ATRX: variants seen among roughly 807,000 people sequenced by gnomAD.
The protein encoded by ATRX is ATRX chromatin remodeler.
A neutral mutation model predicts 172.6 loss-of-function variants in ATRX; 12 were observed. The observed-to-expected ratio is 0.07, with a 90% CI of 0.04 to 0.11. The LOEUF (loss-of-function observed/expected upper bound fraction) is 0.11, where lower values mean the gene tolerates loss of function less well. Ranked by LOEUF, ATRX falls within the 10% of genes least tolerant of loss-of-function variation. The pLI is 1.00. For missense variants in ATRX, 1,368 were observed against 1,767.4 expected, an observed-to-expected ratio of 0.77 and a Z score of 4.05; for synonymous variants, 674 against 594.7, an observed-to-expected ratio of 1.13 and a Z score of -1.94.
chrX:77,688,697 T>G (rs931867729), intron 7 of ATRX, 121 bp downstream of exon 7: 2 of 565,791 alleles, frequency 3.5e-6, no homozygotes, highest in African/African-American at 2.2e-5. Context: ...CCCACTATAG[T>G]AGAAGTCTTC....
chrX:77,594,985 G>A lies in ATRX; in HGVS notation c.5957-1136C>T, dbSNP rs782193001. 3.6e-5 allele frequency: 4 copies of A among 111,647 alleles called. No individual in the cohort carries two copies. The South Asian group carries it at 1.5e-3, about 42-fold the overall frequency. 9.2% of individuals were successfully genotyped at this position (111,647 alleles called of 1,213,427 possible). On this transcript the variant is annotated intron_variant, in intron 25 of 34. Coordinates refer to ENST00000373344, the MANE Select transcript of ATRX (RefSeq NM_000489.6). Reference sequence around the variant, plus strand: ...AGTTCTCCTCATAGACATCTAGATTGTTTCTTGTTTTTGGCTAATATGAAA... The same window carrying A: ...AGTTCTCCTCATAGACATCTAGATTATTTCTTGTTTTTGGCTAATATGAAA...
chrX:77,706,156 T>C (rs201241395), intron 2 of ATRX, among the ~76,000 whole-genome samples: 1 of 107,248 alleles, frequency 9.3e-6, no homozygotes, highest in African/African-American at 3.4e-5. Context: ...CTGGCTTTTT[T>C]TTTTTTTAAT....
intron 1 of ATRX, among the ~76,000 whole-genome samples, chrX:77,769,517 A>C (rs2076088865): frequency 1.8e-5 from 2 of 110,650 alleles, no homozygotes; most frequent in Admixed American, 1.9e-4. Flanking sequence ...TTGAAATCTG[A>C]CCTCATGATA....
intron 22 of ATRX, among the ~76,000 whole-genome samples, chrX:77,603,628 G>A (rs1324823910): frequency 7.4e-5 from 8 of 108,403 alleles, no homozygotes; most frequent in African/African-American, 2.4e-4. Context: ...CGCCTGCCTC[G>A]GCCTCCCAAA....
At chrX:77,646,543 G>A (rs181845642) in intron 15 of ATRX, among the ~76,000 whole-genome samples, 2 of 111,690 alleles carry the variant, frequency 1.8e-5, no homozygotes, top group African/African-American at 6.5e-5. Flanking sequence ...AGAAACAGTT[G>A]GAGACATAAA....
intron 1 of ATRX, among the ~76,000 whole-genome samples, chrX:77,763,943 G>A (rs781897363): frequency 9.1e-6 from 1 of 109,664 alleles, no homozygotes; most frequent in East Asian, 3.0e-4. Flanking sequence ...GTGAAACCCC[G>A]TCTCAACAAA....
intron 19 of ATRX, among the ~76,000 whole-genome samples, chrX:77,625,634 CAT>C (rs1308921060): frequency 8.9e-6 from 1 of 111,975 alleles, no homozygotes; most frequent in Non-Finnish European, 1.9e-5. Context: ...AGCCAACAAA[CAT>C]ATGAAAAAAT....
At chrX:77,679,889 CT>C in intron 9 of ATRX, among the ~76,000 whole-genome samples, 1 of 111,610 alleles carries the variant, frequency 9.0e-6, no homozygotes, top group East Asian at 2.8e-4. Context: ...CACAGCTAAC[CT>C]AACAACTAAA....
chrX:77,605,435 A>G (rs782793702), intron 22 of ATRX, among the ~76,000 whole-genome samples: 1 of 111,281 alleles, frequency 9.0e-6, no homozygotes, highest in East Asian at 2.8e-4. Flanking sequence ...CTCAAATAAA[A>G]CAAAACAAAA....
chrX:77,715,920 T>C (rs2073353518), intron 2 of ATRX, among the ~76,000 whole-genome samples: 1 of 109,952 alleles, frequency 9.1e-6, no homozygotes, highest in South Asian at 3.8e-4. Flanking sequence ...TGCATGTGTA[T>C]TGTAGTTACC....
intron 10 of ATRX, among the ~76,000 whole-genome samples, chrX:77,671,590 GATC>G (rs1417437570): frequency 4.6e-5 from 5 of 109,787 alleles, no homozygotes; most frequent in African/African-American, 9.9e-5. Context: ...TGGGAAATTT[GATC>G]ATATTAAATA....
At chrX:77,568,968 T>C (rs1362002174) in intron 28 of ATRX, among the ~76,000 whole-genome samples, 2 of 110,764 alleles carry the variant, frequency 1.8e-5, no homozygotes, top group Admixed American at 1.9e-4. Flanking sequence ...TGAAGAGTAA[T>C]TACAAAAAAA....
intron 11 of ATRX, 81 bp downstream of exon 11, chrX:77,664,564 T>C: frequency 8.6e-7 from 1 of 1,160,782 alleles, no homozygotes; most frequent in Non-Finnish European, 1.2e-6. Context: ...TTAAGATATT[T>C]CTTGGTCAGA....
chrX:77,627,550 G>C (rs892766756), intron 19 of ATRX, among the ~76,000 whole-genome samples: 1 of 110,556 alleles, frequency 9.0e-6, no homozygotes, highest in Middle Eastern at 4.7e-3. Context: ...GCAACATAAC[G>C]AGACCCTCGT....
intron 34 of ATRX, among the ~76,000 whole-genome samples, chrX:77,519,045 C>G (rs1279305798): frequency 8.9e-6 from 1 of 111,982 alleles, no homozygotes; most frequent in African/African-American, 3.2e-5. Flanking sequence ...AACTATGAAT[C>G]TACTACAGAA....
At chrX:77,559,043 G>T (rs1239552093) in intron 28 of ATRX, among the ~76,000 whole-genome samples, 197 bp from the exon 29 acceptor site, 2 of 111,015 alleles carry the variant, frequency 1.8e-5, no homozygotes, top group Non-Finnish European at 3.8e-5. Context: ...GAATCCTATT[G>T]TTGGAAAATA....
At chrX:77,632,056 T>A (rs988889250) in intron 19 of ATRX, among the ~76,000 whole-genome samples, 1 of 110,948 alleles carries the variant, frequency 9.0e-6, no homozygotes, top group Non-Finnish European at 1.9e-5. Flanking sequence ...GGGAGTGCAG[T>A]GGCACAATCT....
rs45564137 is a variant in ATRX at position 77,681,372 on chromosome X, C to G, written c.3736+148G>C. ...GGCAGCATAAAAATAAATAGGGAAA[C>G]TTTTTTTAATAAACTCCTAAATAAT... is the stretch of plus-strand genomic sequence containing the variant. On this transcript the variant is annotated intron_variant, in intron 9 of 34. Transcript: ENST00000373344. 139 of 551,064 alleles carry G rather than the reference C, an allele frequency of 2.5e-4. No homozygotes were observed. In the African/African-American group the frequency reaches 3.0e-3, roughly 12 times the overall value. 45.4% of individuals were successfully genotyped at this position (551,064 alleles called of 1,213,427 possible).
chrX:77,515,649 C>T (rs1189864069), intron 34 of ATRX, among the ~76,000 whole-genome samples: 4 of 111,894 alleles, frequency 3.6e-5, no homozygotes, highest in Non-Finnish European at 5.6e-5. Context: ...TAGCCTGCTA[C>T]TAATGCCTCT....
Sources: allele counts gnomAD v4.1 joint callset (sites outside exome capture counted in the v4.1 genomes callset), GRCh38; gene constraint gnomAD v4.1.1; transcripts MANE v1.5; gene names NCBI Gene and HGNC (gene_info 2026-07-23, HGNC 2026-07-21).